Variants in IRGM observed in about 807,000 individuals in gnomAD.
The protein encoded by IRGM is immunity-related GTPase family M protein.
For missense variants in IRGM, 288 were observed against 219.9 expected, an observed-to-expected ratio of 1.31 and a Z score of -1.96; for synonymous variants, 98 against 80.6, an observed-to-expected ratio of 1.22 and a Z score of -1.16.
chr5:150,854,965 T>C (rs1561741169), intron 1 of IRGM, among the ~76,000 whole-genome samples: 1 of 152,214 alleles, frequency 6.6e-6, no homozygotes, highest in African/African-American at 2.4e-5. Context: ...TTTTTCTTAA[T>C]GGGAATTTAC....
At chr5:150,863,705 T>C (rs1482948568) in intron 1 of IRGM, among the ~76,000 whole-genome samples, 1 of 152,212 alleles carries the variant, frequency 6.6e-6, no homozygotes, top group Admixed American at 6.5e-5. Flanking sequence ...GGTCCCCATT[T>C]TGCAATGCAA....
At chr5:150,898,875 G>A (rs2113022082) in intron 3 of IRGM, among the ~76,000 whole-genome samples, 1 of 152,076 alleles carries the variant, frequency 6.6e-6, no homozygotes, top group Non-Finnish European at 1.5e-5. Flanking sequence ...AATATTATGG[G>A]TTGAGTTGTA....
At chr5:150,892,045 T>A (rs898898373) in intron 3 of IRGM, among the ~76,000 whole-genome samples, 1 of 152,134 alleles carries the variant, frequency 6.6e-6, no homozygotes, top group Non-Finnish European at 1.5e-5. Flanking sequence ...GTTCTGCAGA[T>A]AAGAATCATC....
At position 150,881,239 on chromosome 5, in the gene IRGM, A is replaced by T. The variant is rs138713288; in HGVS notation, c.*140+1593A>T. 2.0e-3 allele frequency among the ~76,000 whole-genome samples: 310 copies of T among 152,310 alleles called. 3 individuals are homozygous for T. The highest frequency in any genetic ancestry group is 7.1e-3 in the African/African-American group (295 of 41,568). ...ACCAAGATATAATCAAACTGTCAAA[A>T]GTTAAAGAGAATTTTGAAAGCAAGA... On this transcript the variant is annotated intron_variant and NMD_transcript_variant, in intron 3 of 3. Transcript: ENST00000520549.
intron 1 of IRGM, among the ~76,000 whole-genome samples, chr5:150,853,834 A>G (rs543022276): frequency 1.2e-4 from 18 of 152,172 alleles, no homozygotes; most frequent in African/African-American, 4.3e-4. Context: ...AAGTATCTAT[A>G]AAAACAACAT....
At chr5:150,886,738 G>A (rs1754530731) in intron 3 of IRGM, among the ~76,000 whole-genome samples, 1 of 151,980 alleles carries the variant, frequency 6.6e-6, no homozygotes, top group African/African-American at 2.4e-5. Context: ...TATGGGGTTA[G>A]GGGTAACATT....
intron 3 of IRGM, among the ~76,000 whole-genome samples, chr5:150,900,274 T>C (rs1468195655): frequency 6.6e-6 from 1 of 152,092 alleles, no homozygotes; most frequent in Non-Finnish European, 1.5e-5. Flanking sequence ...ATACCAACCT[T>C]AGTCGACCTT....
At position 150,848,495 on chromosome 5, in the gene IRGM, C is replaced by G; in HGVS notation, c.372C>G (p.Ser124Arg). The G allele has an allele frequency of 6.4e-7, 1 of 1,551,850 alleles. No individual in the cohort carries two copies. Among genetic ancestry groups the G allele is most frequent in the Non-Finnish European group, 8.7e-7 (1 of 1,146,986 alleles). ...TCATGGTTGCATCTGCACAATTCAG[C>G]ATGAATCATGTGATGCTTGCCAAAA... ...DFIMVASAQF[S>R]MNHVMLAKTA... The change falls in exon 2 of 2, where the codon AGC (serine) becomes AGG (arginine). Residue 124 changes from serine (S) to arginine (R), a missense_variant. Coordinates refer to ENST00000522154, the MANE Select transcript of IRGM (RefSeq NM_001145805.2).
At chr5:150,876,147 C>G (rs1167436270) in intron 1 of IRGM, among the ~76,000 whole-genome samples, 9 of 152,178 alleles carry the variant, frequency 5.9e-5, no homozygotes, top group Admixed American at 5.9e-4. Flanking sequence ...CTTTTGAAGT[C>G]ACACTTACAA....
At chr5:150,857,239 T>C (rs899398269) in intron 1 of IRGM, among the ~76,000 whole-genome samples, 2 of 152,186 alleles carry the variant, frequency 1.3e-5, no homozygotes, top group African/African-American at 4.8e-5. Context: ...GTTTCATCCA[T>C]GTCCCTACAA....
chr5:150,857,038 G>A (rs954517145), intron 1 of IRGM, among the ~76,000 whole-genome samples: 3 of 151,544 alleles, frequency 2.0e-5, no homozygotes, highest in Middle Eastern at 3.4e-3. Flanking sequence ...CCATTAACTC[G>A]TCATTTAGCA....
At chr5:150,896,188 T>C in intron 3 of IRGM, 1 of 1,613,620 alleles carries the variant, frequency 6.2e-7, no homozygotes. Context: ...TCATAGGGTT[T>C]TTCCCCAGTG....
intron 2 of IRGM, among the ~76,000 whole-genome samples, chr5:150,878,717 C>G (rs1437411283): frequency 6.6e-6 from 1 of 151,480 alleles, no homozygotes; most frequent in East Asian, 1.9e-4. Flanking sequence ...GTTATAAGGT[C>G]TATATAATTA....
intron 1 of IRGM, among the ~76,000 whole-genome samples, chr5:150,862,313 C>A (rs972712091): frequency 6.6e-6 from 1 of 152,140 alleles, no homozygotes; most frequent in Admixed American, 6.5e-5. Flanking sequence ...GAGTGACACC[C>A]CATCACCTTT....
At chr5:150,868,155 G>A (rs1053361409) in intron 1 of IRGM, among the ~76,000 whole-genome samples, 1 of 152,072 alleles carries the variant, frequency 6.6e-6, no homozygotes, top group Non-Finnish European at 1.5e-5. Context: ...TATATAAGAT[G>A]AGAGATAAGT....
At chr5:150,894,333 T>A (rs1754674452) in intron 3 of IRGM, 1 of 152,264 alleles carries the variant, frequency 6.6e-6, no homozygotes, top group African/African-American at 2.4e-5. Context: ...CTGTAAGTTT[T>A]CAGGGCAAAC....
intron 1 of IRGM, among the ~76,000 whole-genome samples, chr5:150,864,064 A>G (rs550167062): frequency 5.3e-5 from 8 of 152,222 alleles, no homozygotes; most frequent in Admixed American, 6.5e-5. Flanking sequence ...CACAAATACT[A>G]CTATGCAATT....
chr5:150,866,605 T>C (rs987628168), intron 1 of IRGM, among the ~76,000 whole-genome samples: 1 of 152,184 alleles, frequency 6.6e-6, no homozygotes, highest in Non-Finnish European at 1.5e-5. Context: ...AGTTTGAAGA[T>C]GTGAAAATTC....
intron 3 of IRGM, among the ~76,000 whole-genome samples, chr5:150,883,042 T>C (rs1250560913): frequency 6.6e-6 from 1 of 152,080 alleles, no homozygotes; most frequent in East Asian, 1.9e-4. Flanking sequence ...GGTATGAAAC[T>C]AGAAATCAAT....
Sources: allele counts gnomAD v4.1 joint callset (sites outside exome capture counted in the v4.1 genomes callset), GRCh38; gene constraint gnomAD v4.1.1; transcripts MANE v1.5; gene names NCBI Gene and HGNC (gene_info 2026-07-23, HGNC 2026-07-21).